ZNF480: variants seen among roughly 807,000 people sequenced by gnomAD.
The protein encoded by ZNF480 is zinc finger protein 480.
A neutral mutation model predicts 14.4 loss-of-function variants in ZNF480; 15 were observed. The observed-to-expected ratio is 1.04, with a 90% CI of 0.70 to 1.60. The LOEUF (loss-of-function observed/expected upper bound fraction) is 1.60. Among genes scored for constraint, ZNF480 ranks in the 40% most tolerant of loss-of-function variants. ZNF480 has a pLI of 0.00. For synonymous variants in ZNF480, 218 were observed against 215.5 expected (o/e 1.01, Z -0.10); for missense variants, 593 against 629.7 (o/e 0.94, Z 0.62).
At chr19:52,299,538 G>A (rs983956336) in intron 1 of ZNF480, among the ~76,000 whole-genome samples, 3 of 152,090 alleles carry the variant, frequency 2.0e-5, no homozygotes, top group Non-Finnish European at 4.4e-5. Flanking sequence ...TTATTAATTT[G>A]TTAGCCTCAT....
In ZNF480 at chr19:52,314,191, T is replaced by C; in HGVS notation, c.111T>C (p.Ser37=). The change falls in exon 3 of 5, where the codon TCT becomes TCC. Residue 37 remains serine, a synonymous_variant. Coordinates refer to ENST00000595962, the MANE Select transcript of ZNF480 (RefSeq NM_144684.4). ...TCAGGGACGTGGCCATAGAATTCTCTCAGGCGGAGTGGAAATGCCTGGACC... is the reference window on the plus strand; with the variant it reads ...TCAGGGACGTGGCCATAGAATTCTCCCAGGCGGAGTGGAAATGCCTGGACC... ...LTFRDVAIEF[S]QAEWKCLDPA... The C allele has an allele frequency of 6.3e-7, 1 of 1,582,356 alleles. No individual in the cohort carries two copies. Among genetic ancestry groups the C allele is most frequent in the Non-Finnish European group, 8.6e-7 (1 of 1,159,810 alleles).
intron 4 of ZNF480, among the ~76,000 whole-genome samples, chr19:52,316,482 T>A (rs321905): frequency 1.3e-5 from 2 of 151,996 alleles, no homozygotes; most frequent in Non-Finnish European, 2.9e-5. Context: ...TATCTGCCTC[T>A]GCCTCCCAAA....
In ZNF480 at chr19:52,300,461, G is replaced by C; in HGVS notation, c.49G>C (p.Glu17Gln). The change falls in exon 2 of 5, where the codon GAG becomes CAG. Residue 17 changes from glutamate (E) to glutamine (Q), a missense_variant. Coordinates refer to ENST00000595962, the MANE Select transcript of ZNF480 (RefSeq NM_144684.4). ...GAAGAGAAGGAAGAGGAAAGCAAAG[G>C]AGTCAGGGATGGCTCTTCCTCAGGT... The part of the protein sequence containing the change: ...AQKRRKRKAK[E>Q]SGMALPQGHL... 6.2e-7 allele frequency: 1 copy of C among 1,613,180 alleles called. No homozygotes were observed. Among genetic ancestry groups the C allele is most frequent in the Non-Finnish European group, 8.5e-7 (1 of 1,179,792 alleles).
rs771052101 is a variant in ZNF480 at position 52,321,771 on chromosome 19, T to G, written c.521T>G (p.Val174Gly). The change falls in exon 5 of 5, where the codon GTC becomes GGC. Residue 174 changes from valine to glycine, a missense_variant. Physicochemically the swap from Val to Gly is moderately radical, Grantham distance 109. Coordinates refer to ENST00000595962, the MANE Select transcript of ZNF480 (RefSeq NM_144684.4). The stretch of plus-strand genomic sequence containing the variant: ...TGTCTTCAAGAAATGTCTTCCAGTG[T>G]CAAAACCCCCATTTTTAATAGGAAT... ...VSCLQEMSSS[V>G]KTPIFNRNDF... The G allele has an allele frequency of 6.2e-7, 1 of 1,613,624 alleles. No homozygotes were observed. Among genetic ancestry groups the G allele is most frequent in the Admixed American group, 1.7e-5 (1 of 59,950 alleles).
At chr19:52,300,337 G>A in intron 1 of ZNF480, 57 bp from the exon 2 acceptor site, 3 of 1,567,348 alleles carry the variant, frequency 1.9e-6, no homozygotes, top group Non-Finnish European at 2.6e-6. Flanking sequence ...TGTGATTGTG[G>A]CACAGGAAAA....
At chr19:52,305,842 G>C (rs182165419) in intron 2 of ZNF480, among the ~76,000 whole-genome samples, 2 of 152,284 alleles carry the variant, frequency 1.3e-5, no homozygotes, top group Non-Finnish European at 2.9e-5. Context: ...CTGAAATCGG[G>C]TTCCCATCTT....
At chr19:52,314,494 A>AG (rs1555798750) in intron 3 of ZNF480, among the ~76,000 whole-genome samples, 1 of 150,894 alleles carries the variant, frequency 6.6e-6, no homozygotes, top group Non-Finnish European at 1.5e-5. Flanking sequence ...AAAAAAAAAA[A>AG]AAAACCAAAA....
chr19:52,312,205 C>T (rs1048867488), intron 2 of ZNF480, among the ~76,000 whole-genome samples: 2 of 150,296 alleles, frequency 1.3e-5, no homozygotes, highest in African/African-American at 2.5e-5. Context: ...AGTGCAGTGG[C>T]GCGATATTGG....
rs370388425 is a variant in ZNF480 at position 52,322,167 on chromosome 19, A to G, written c.917A>G (p.Gln306Arg). The G allele has an allele frequency of 1.5e-5, 24 of 1,613,886 alleles. No homozygotes were observed. The highest frequency in any genetic ancestry group is 1.6e-4 in the Middle Eastern group (1 of 6,062). The part of the protein sequence containing the change: ...FSNNSYLARH[Q>R]RIHAEEKPYK... ...AATAATTCTTACCTTGCACGACATC[A>G]AAGAATTCATGCTGAAGAGAAACCT... The change falls in exon 5 of 5, where the codon CAA becomes CGA. Residue 306 changes from glutamine to arginine, a missense_variant. Physicochemically the swap from Gln to Arg is conservative, Grantham distance 43. Transcript: ENST00000595962.
chr19:52,311,377 T>C (rs535787511), intron 2 of ZNF480, among the ~76,000 whole-genome samples: 1 of 152,154 alleles, frequency 6.6e-6, no homozygotes, highest in Admixed American at 6.5e-5. Context: ...GGGATCTTTC[T>C]ATGTTGCCCA....
intron 2 of ZNF480, among the ~76,000 whole-genome samples, chr19:52,312,560 G>A (rs1016402508): frequency 1.3e-5 from 2 of 152,118 alleles, no homozygotes; most frequent in Admixed American, 6.5e-5. Flanking sequence ...TCTGTTCATT[G>A]TTTGATTCTT....
chr19:52,303,814 C>T (rs936053696), intron 2 of ZNF480, among the ~76,000 whole-genome samples: 1 of 152,092 alleles, frequency 6.6e-6, no homozygotes, highest in African/African-American at 2.4e-5. Context: ...AATTAATGTC[C>T]CTTAGTAATT....
chr19:52,316,209 T>C (rs1983548222), intron 4 of ZNF480, among the ~76,000 whole-genome samples: 1 of 151,318 alleles, frequency 6.6e-6, no homozygotes, highest in Admixed American at 6.6e-5. Context: ...TCTTTCTTTC[T>C]TTCTTTCTTT....
rs774916321 is a variant in ZNF480, at chr19:52,322,850, A to G, written c.1600A>G (p.Met534Val). The G allele has an allele frequency of 6.4e-7, 1 of 1,573,886 alleles. No homozygotes were observed. Among genetic ancestry groups the G allele is most frequent in the Non-Finnish European group, 8.6e-7 (1 of 1,157,120 alleles). The change falls in exon 5 of 5, where the codon ATG becomes GTG. Residue 534 changes from methionine to valine, a missense_variant. Physicochemically the swap from Met to Val is conservative, Grantham distance 21. Coordinates refer to ENST00000595962, the MANE Select transcript of ZNF480 (RefSeq NM_144684.4). ...CCTAGCACAACATTGGACAATTCAT[A>G]TGGGATAGAAACTACAAATGCAACA... Reference protein sequence around the residue: ...SYLAQHWTIHMG With the variant: ...SYLAQHWTIHVG
chr19:52,300,628 C>G, intron 2 of ZNF480, 144 bp downstream of exon 2: 2 of 1,431,554 alleles, frequency 1.4e-6, no homozygotes, highest in African/African-American at 1.4e-5. Flanking sequence ...AGTGCCGAGA[C>G]CAGCTTGGTC....
At chr19:52,309,328 C>A (rs1983157252) in intron 2 of ZNF480, among the ~76,000 whole-genome samples, 1 of 152,170 alleles carries the variant, frequency 6.6e-6, no homozygotes, top group Non-Finnish European at 1.5e-5. Context: ...TACCTCCTCA[C>A]TGAAGGGGGT....
Position 52,298,500 on chromosome 19 carries a change from G to A in ZNF480, c.-20+1277G>A, listed in dbSNP as rs971416873. Among the ~76,000 whole-genome samples, 88 of 152,214 alleles carry A rather than the reference G, an allele frequency of 5.8e-4. 1 individual carries two copies. The highest frequency in any genetic ancestry group is 1.2e-3 in the Non-Finnish European group (80 of 68,014). Reference sequence around the variant, plus strand: ...ATGCAAAAATTAGCCGGGCGTCAGCGCGCGCGTGTAATCCCAGCTACTCAG... The same window carrying A: ...ATGCAAAAATTAGCCGGGCGTCAGCACGCGCGTGTAATCCCAGCTACTCAG... On this transcript the variant is annotated intron_variant, in intron 1 of 4. Coordinates refer to ENST00000595962, the MANE Select transcript of ZNF480 (RefSeq NM_144684.4).
intron 2 of ZNF480, among the ~76,000 whole-genome samples, chr19:52,309,083 A>G (rs1167819168): frequency 6.6e-6 from 1 of 152,138 alleles, no homozygotes; most frequent in African/African-American, 2.4e-5. Context: ...TGTATACAGC[A>G]TTGTGGTGTT....
At chr19:52,316,219 T>TCTTTCTTTCTTTCTTC (rs1177274335) in intron 4 of ZNF480, among the ~76,000 whole-genome samples, 1 of 149,836 alleles carries the variant, frequency 6.7e-6, no homozygotes, top group African/African-American at 2.5e-5. Context: ...TTTCTTTCTT[T>TCTTTCTTTCTTTCTTC]CTTCCTTTCT....
Sources: gnomAD v4.1 joint callset for allele counts (sites outside exome capture counted in the v4.1 genomes callset) on GRCh38, gnomAD v4.1.1 for gene constraint, MANE v1.5 for transcripts, NCBI Gene and HGNC (gene_info 2026-07-23, HGNC 2026-07-21) for gene names.